PAPSS1: variants seen among roughly 807,000 people sequenced by gnomAD.
The protein encoded by PAPSS1 is 3'-phosphoadenosine 5'-phosphosulfate synthase 1, also known as bifunctional 3'-phosphoadenosine 5'-phosphosulfate synthase 1.
PAPSS1 carries 50 observed loss-of-function variants against 72.0 expected under a neutral mutation model. That is an observed-to-expected ratio of 0.69 (90% CI 0.55 to 0.88). The LOEUF is 0.88. PAPSS1 is among the 40% of genes least tolerant of loss of function. The pLI is 0.00. For missense variants in PAPSS1, 657 were observed against 782.2 expected, an observed-to-expected ratio of 0.84 and a Z score of 1.91; for synonymous variants, 261 against 263.6, an observed-to-expected ratio of 0.99 and a Z score of 0.09.
chr4:107,681,747 C>T lies in PAPSS1; in HGVS notation c.669+268G>A, dbSNP rs1196512065. Among the ~76,000 whole-genome samples the T allele has an allele frequency of 3.3e-5, 5 of 152,246 alleles. No individual in the cohort carries two copies. In the East Asian group the frequency reaches 9.6e-4, roughly 29 times the overall value. ...GCTGGATTTTCTGTTAGGTATTTTT[C>T]TGTGGCAAAATTACTGGTAAAGTAC... On this transcript the variant is annotated intron_variant, in intron 5 of 11. Coordinates refer to ENST00000265174, the MANE Select transcript of PAPSS1 (RefSeq NM_005443.5).
At chr4:107,714,160 C>T (rs1052266747) in intron 1 of PAPSS1, among the ~76,000 whole-genome samples, 7 of 152,190 alleles carry the variant, frequency 4.6e-5, no homozygotes, top group Admixed American at 1.3e-4. Context: ...GATGTCTGAT[C>T]ACCTTGGCCT....
chr4:107,678,869 C>T (rs947883689), intron 5 of PAPSS1, among the ~76,000 whole-genome samples: 1 of 152,122 alleles, frequency 6.6e-6, no homozygotes, highest in Non-Finnish European at 1.5e-5. Flanking sequence ...GGAAAGGAAA[C>T]CCTCAAACCT....
intron 6 of PAPSS1, among the ~76,000 whole-genome samples, chr4:107,658,337 A>G (rs1163888042): frequency 1.3e-5 from 2 of 149,316 alleles, no homozygotes; most frequent in African/African-American, 4.9e-5. Flanking sequence ...CCTGGGCAAC[A>G]CAGCGAGACT....
At chr4:107,695,484 C>A (rs1467540977) in intron 2 of PAPSS1, among the ~76,000 whole-genome samples, 1 of 152,124 alleles carries the variant, frequency 6.6e-6, no homozygotes, top group African/African-American at 2.4e-5. Context: ...CCCTTTATTT[C>A]TTTTTCTTGC....
chr4:107,649,740 C>T (rs1209795216), intron 9 of PAPSS1, among the ~76,000 whole-genome samples: 1 of 152,220 alleles, frequency 6.6e-6, no homozygotes, highest in East Asian at 1.9e-4. Flanking sequence ...AATTCAGCAA[C>T]GCTATAAAGC....
intron 1 of PAPSS1, among the ~76,000 whole-genome samples, chr4:107,710,320 A>G (rs1723455870): frequency 6.6e-6 from 1 of 152,154 alleles, no homozygotes; most frequent in Non-Finnish European, 1.5e-5. Context: ...AGAAAAATAT[A>G]TATATATGTA....
chr4:107,634,593 C>T (rs2726662), intron 10 of PAPSS1, among the ~76,000 whole-genome samples: 23,850 of 151,908 alleles, frequency 0.16, 3,375 homozygotes, highest in African/African-American at 0.38. Context: ...AAAATAAACC[C>T]AAAGAAATAC....
At chr4:107,687,593 T>C (rs1722819317) in intron 3 of PAPSS1, among the ~76,000 whole-genome samples, 1 of 152,128 alleles carries the variant, frequency 6.6e-6, no homozygotes, top group South Asian at 2.1e-4. Context: ...GCTAGTTTAC[T>C]TCTTTGCCAA....
chr4:107,653,258 G>A (rs1726904712), intron 9 of PAPSS1, among the ~76,000 whole-genome samples: 1 of 151,982 alleles, frequency 6.6e-6, no homozygotes, highest in African/African-American at 2.4e-5. Flanking sequence ...ATAAATAAAA[G>A]GTAAATTCTG....
At chr4:107,692,837 T>A (rs1260504784) in intron 3 of PAPSS1, among the ~76,000 whole-genome samples, 3 of 152,088 alleles carry the variant, frequency 2.0e-5, no homozygotes, top group African/African-American at 7.3e-5. Flanking sequence ...TGATATCATG[T>A]CCTTTGCAGG....
intron 5 of PAPSS1, among the ~76,000 whole-genome samples, chr4:107,666,655 A>C (rs1304119445): frequency 6.6e-6 from 1 of 152,224 alleles, no homozygotes; most frequent in Admixed American, 6.5e-5. Context: ...GGACAATGAA[A>C]TAAATACTGT....
At chr4:107,703,630 T>C (rs1723263592) in intron 1 of PAPSS1, among the ~76,000 whole-genome samples, 1 of 152,242 alleles carries the variant, frequency 6.6e-6, no homozygotes, top group Admixed American at 6.5e-5. Flanking sequence ...CCCCATCATG[T>C]ATTATTGGCA....
chr4:107,638,411 T>C (rs1419419026), intron 10 of PAPSS1, among the ~76,000 whole-genome samples: 1 of 152,110 alleles, frequency 6.6e-6, no homozygotes, highest in Non-Finnish European at 1.5e-5. Context: ...AATCTCTCAA[T>C]CTCCAAAAAG....
At chr4:107,649,784 A>T (rs930532876) in intron 9 of PAPSS1, among the ~76,000 whole-genome samples, 4 of 152,260 alleles carry the variant, frequency 2.6e-5, no homozygotes, top group Non-Finnish European at 5.9e-5. Context: ...ACTACCACAC[A>T]CTATTCTGAA....
intron 11 of PAPSS1, among the ~76,000 whole-genome samples, chr4:107,622,284 A>G (rs1725984665): frequency 6.6e-6 from 1 of 152,132 alleles, no homozygotes; most frequent in Admixed American, 6.6e-5. Context: ...TCTGTCTTCA[A>G]TTGCTGTTTA....
At chr4:107,690,880 C>T (rs1021708091) in intron 3 of PAPSS1, among the ~76,000 whole-genome samples, 1 of 152,100 alleles carries the variant, frequency 6.6e-6, no homozygotes, top group Admixed American at 6.6e-5. Context: ...CTCTCCATAA[C>T]AGGTATTATA....
chr4:107,705,161 T>C (rs1483470858), intron 1 of PAPSS1, among the ~76,000 whole-genome samples: 1 of 152,226 alleles, frequency 6.6e-6, no homozygotes, highest in African/African-American at 2.4e-5. Flanking sequence ...ATCAAGGTAA[T>C]GCTGGCCTCA....
intron 10 of PAPSS1, among the ~76,000 whole-genome samples, chr4:107,644,185 G>A (rs1258684419): frequency 6.6e-6 from 1 of 152,124 alleles, no homozygotes; most frequent in African/African-American, 2.4e-5. Flanking sequence ...ACACGGTTCA[G>A]GACACACTAC....
At chr4:107,704,328 C>T (rs1335644479) in intron 1 of PAPSS1, among the ~76,000 whole-genome samples, 1 of 152,128 alleles carries the variant, frequency 6.6e-6, no homozygotes, top group African/African-American at 2.4e-5. Flanking sequence ...ATTTGGATGC[C>T]TTTTATTTAT....
Sources: gnomAD v4.1 joint callset for allele counts (sites outside exome capture counted in the v4.1 genomes callset) on GRCh38, gnomAD v4.1.1 for gene constraint, MANE v1.5 for transcripts, NCBI Gene and HGNC (gene_info 2026-07-23, HGNC 2026-07-21) for gene names.